The following RCOR1 variants were observed in gnomAD, a reference collection of about 807,000 sequenced individuals.
RCOR1 encodes REST corepressor.
In RCOR1, 12 loss-of-function variants were observed where a neutral mutation model predicts 64.0. The observed-to-expected ratio is 0.19, with a 90% CI of 0.12 to 0.30. The LOEUF is 0.30. Among genes scored for constraint, RCOR1 ranks in the 10% least tolerant of loss-of-function variants. The pLI is 1.00. For synonymous variants in RCOR1, 279 were observed against 227.2 expected, an observed-to-expected ratio of 1.23 and a Z score of -2.05; for missense variants, 502 against 621.2, an observed-to-expected ratio of 0.81 and a Z score of 2.04.
intron 2 of RCOR1, among the ~76,000 whole-genome samples, chr14:102,605,570 CCTA>C (rs1893489351): frequency 6.6e-6 from 1 of 152,250 alleles, no homozygotes; most frequent in South Asian, 2.1e-4. Context: ...TGTAAACAAA[CCTA>C]CTGCACTGCC....
Position 102,726,791 on chromosome 14 carries a change from C to A in RCOR1, c.*285C>A. The A allele has an allele frequency of 2.4e-6, 1 of 415,570 alleles. No homozygotes were observed. Among genetic ancestry groups the A allele is most frequent in the Non-Finnish European group, 4.2e-6 (1 of 235,440 alleles). 25.7% of individuals were successfully genotyped at this position (415,570 alleles called of 1,614,324 possible). Reference sequence around the variant, plus strand: ...TTGTGACTCTGGGAACCGCCTCTCCCGCCGGAGCCCCCGAGCCCCACCAAT... The same window carrying A: ...TTGTGACTCTGGGAACCGCCTCTCCAGCCGGAGCCCCCGAGCCCCACCAAT... On this transcript the variant is annotated 3_prime_UTR_variant, in exon 12 of 12. Coordinates refer to ENST00000262241, the MANE Select transcript of RCOR1 (RefSeq NM_015156.4).
chr14:102,656,197 T>C (rs984879161), intron 2 of RCOR1: 19 of 805,616 alleles, frequency 2.4e-5, no homozygotes, highest in Non-Finnish European at 2.9e-5. Flanking sequence ...TGGAGTGCAG[T>C]GGTGTGATCT....
At chr14:102,666,777 A>G (rs541116738) in intron 2 of RCOR1, among the ~76,000 whole-genome samples, 1 of 152,160 alleles carries the variant, frequency 6.6e-6, no homozygotes, top group Non-Finnish European at 1.5e-5. Context: ...GTGCCATTTC[A>G]TCCCATCCAA....
intron 2 of RCOR1, among the ~76,000 whole-genome samples, chr14:102,605,146 C>A (rs1293073723): frequency 6.6e-6 from 1 of 150,998 alleles, no homozygotes; most frequent in East Asian, 1.9e-4. Context: ...TTAGTTGTTT[C>A]CATGTGGCCC....
chr14:102,597,432 G>T (rs1385285290), intron 2 of RCOR1, among the ~76,000 whole-genome samples: 1 of 149,910 alleles, frequency 6.7e-6, no homozygotes, highest in Non-Finnish European at 1.5e-5. Flanking sequence ...GGGTTCAAGC[G>T]ATCCTCCTGC....
chr14:102,662,822 G>C (rs969716652), intron 2 of RCOR1: 2 of 182,744 alleles, frequency 1.1e-5, no homozygotes, highest in African/African-American at 4.8e-5. Context: ...GCTGTTTTCA[G>C]CAGCACTTGA....
chr14:102,705,273 A>G (rs149999440), intron 4 of RCOR1, among the ~76,000 whole-genome samples: 63 of 152,256 alleles, frequency 4.1e-4, no homozygotes, highest in Admixed American at 2.2e-3. Flanking sequence ...ATGCCTCATG[A>G]TCATGTCCAA....
At chr14:102,708,659 G>C in intron 6 of RCOR1, 76 bp downstream of exon 6, 1 of 803,392 alleles carries the variant, frequency 1.2e-6, no homozygotes, top group South Asian at 1.5e-5. Context: ...AGGCAAGGCA[G>C]AATGACTGGT....
At chr14:102,722,050 C>CT in intron 10 of RCOR1, 137 bp from the exon 11 acceptor site, 1 of 668,854 alleles carries the variant, frequency 1.5e-6, no homozygotes, top group Admixed American at 2.9e-5. Flanking sequence ...TTTTCCTACT[C>CT]TAATAATACA....
chr14:102,658,570 A>G (rs940204360), intron 2 of RCOR1: 4 of 985,296 alleles, frequency 4.1e-6, no homozygotes, highest in South Asian at 4.7e-5. Flanking sequence ...CAGGAACAGG[A>G]TGGCTACCTA....
chr14:102,667,402 G>A (rs1894936146), intron 2 of RCOR1, among the ~76,000 whole-genome samples: 1 of 152,050 alleles, frequency 6.6e-6, no homozygotes, highest in South Asian at 2.1e-4. Flanking sequence ...TCGGGAGGCT[G>A]AAGGAGGAGA....
intron 11 of RCOR1, among the ~76,000 whole-genome samples, chr14:102,724,028 A>AT (rs903534341): frequency 9.3e-5 from 14 of 149,974 alleles, no homozygotes; most frequent in East Asian, 5.8e-4. Flanking sequence ...TGAGTCAAGT[A>AT]TTTTTTTTTT....
chr14:102,594,691 G>A (rs189382777), intron 2 of RCOR1, among the ~76,000 whole-genome samples: 1 of 146,434 alleles, frequency 6.8e-6, no homozygotes, highest in Non-Finnish European at 1.5e-5. Flanking sequence ...GTCACTTCTC[G>A]TTTATGAGTG....
At chr14:102,708,411 A>AT in intron 5 of RCOR1, 54 bp from the exon 6 acceptor site, 1 of 1,093,962 alleles carries the variant, frequency 9.1e-7, no homozygotes, top group East Asian at 2.4e-5. Flanking sequence ...TAAACATTTG[A>AT]TTTTTAAAGA....
At chr14:102,677,398 C>T (rs1895204525) in intron 2 of RCOR1, among the ~76,000 whole-genome samples, 1 of 143,472 alleles carries the variant, frequency 7.0e-6, no homozygotes, top group Non-Finnish European at 1.5e-5. Context: ...CTCCTCACTT[C>T]CCAGACGGGG....
intron 3 of RCOR1, among the ~76,000 whole-genome samples, chr14:102,691,919 T>C (rs1895541286): frequency 6.6e-6 from 1 of 152,252 alleles, no homozygotes; most frequent in Non-Finnish European, 1.5e-5. Flanking sequence ...GATGCCCATC[T>C]AGAATATATA....
intron 2 of RCOR1, among the ~76,000 whole-genome samples, chr14:102,599,693 G>A (rs959625966): frequency 6.6e-6 from 1 of 152,052 alleles, no homozygotes; most frequent in Non-Finnish European, 1.5e-5. Context: ...ACTGAACAGG[G>A]TGTCTTGATA....
chr14:102,593,432 C>T (rs1424995969), intron 2 of RCOR1, 107 bp downstream of exon 2: 20 of 1,197,470 alleles, frequency 1.7e-5, no homozygotes, highest in Non-Finnish European at 2.2e-5. Flanking sequence ...TTTGTGCGTT[C>T]GCCCTGCCGT....
chr14:102,710,044 C>T (rs1895927621), intron 6 of RCOR1, among the ~76,000 whole-genome samples: 1 of 152,244 alleles, frequency 6.6e-6, no homozygotes, highest in Admixed American at 6.5e-5. Context: ...GGCTTTCTAA[C>T]AGGACTTGCC....
Sources: gnomAD v4.1 joint callset for allele counts (sites outside exome capture counted in the v4.1 genomes callset) on GRCh38, gnomAD v4.1.1 for gene constraint, MANE v1.5 for transcripts, NCBI Gene and HGNC (gene_info 2026-07-23, HGNC 2026-07-21) for gene names.